Variants in MAGI2 observed in about 807,000 individuals in gnomAD.
MAGI2 encodes the protein membrane associated guanylate kinase, WW and PDZ domain containing 2, also known as membrane-associated guanylate kinase, WW and PDZ domain-containing protein 2.
Under a neutral mutation model 133.3 loss-of-function variants are expected in MAGI2, and 35 were observed. That is an observed-to-expected ratio of 0.26 (90% confidence interval 0.20 to 0.35). The LOEUF is 0.35. Among genes scored for constraint, MAGI2 ranks in the 10% least tolerant of loss-of-function variants. The probability of loss-of-function intolerance (pLI) is 1.00; values close to 1 mark genes in which losing one functional copy is unlikely to be tolerated. For missense variants in MAGI2, 1,636 were observed against 1,863.4 expected (o/e 0.88, Z 2.25); for synonymous variants, 729 against 710.6 (o/e 1.03, Z -0.41).
At chr7:78,171,154 A>T (rs897193417) in intron 14 of MAGI2, among the ~76,000 whole-genome samples, 1 of 152,338 alleles carries the variant, frequency 6.6e-6, no homozygotes, top group African/African-American at 2.4e-5. Context: ...TCTGAGAAAA[A>T]AACAACTTTT....
chr7:78,471,066 C>T (rs1221961139), intron 6 of MAGI2, among the ~76,000 whole-genome samples: 1 of 152,010 alleles, frequency 6.6e-6, no homozygotes, highest in Admixed American at 6.6e-5. Flanking sequence ...TTCTCATGGC[C>T]AAAGTAAGCT....
At chr7:79,113,515 A>G (rs1408576510) in intron 1 of MAGI2, among the ~76,000 whole-genome samples, 1 of 152,194 alleles carries the variant, frequency 6.6e-6, no homozygotes, top group Non-Finnish European at 1.5e-5. Context: ...AACAGATGCA[A>G]AGTGATCAGT....
At chr7:78,441,394 A>G (rs1787616449) in intron 6 of MAGI2, among the ~76,000 whole-genome samples, 1 of 152,226 alleles carries the variant, frequency 6.6e-6, no homozygotes, top group African/African-American at 2.4e-5. Context: ...TATCAGAATA[A>G]CTTCAATTAT....
intron 10 of MAGI2, among the ~76,000 whole-genome samples, chr7:78,231,640 T>C (rs1287655504): frequency 6.6e-6 from 1 of 152,194 alleles, no homozygotes; most frequent in Non-Finnish European, 1.5e-5. Flanking sequence ...CATCTTCAAA[T>C]AGCCTTCCTC....
intron 2 of MAGI2, among the ~76,000 whole-genome samples, chr7:78,679,937 G>A (rs1815471397): frequency 6.6e-6 from 1 of 152,140 alleles, no homozygotes; most frequent in Admixed American, 6.6e-5. Context: ...TCAGCAACCA[G>A]TGAGAAAATC....
chr7:78,330,202 A>G (rs73134519), intron 9 of MAGI2, among the ~76,000 whole-genome samples: 14,274 of 152,236 alleles, frequency 0.094, 1,043 homozygotes, highest in African/African-American at 0.2. Flanking sequence ...GTTTGGTTAA[A>G]CTAGACTAAG....
intron 10 of MAGI2, among the ~76,000 whole-genome samples, chr7:78,206,368 T>C (rs992890347): frequency 3.3e-5 from 5 of 150,640 alleles, no homozygotes; most frequent in Non-Finnish European, 5.9e-5. Flanking sequence ...CTTGGCTCAC[T>C]GCAACCTCCG....
intron 2 of MAGI2, among the ~76,000 whole-genome samples, chr7:78,656,718 A>G (rs1003339198): frequency 5.3e-5 from 8 of 152,218 alleles, no homozygotes; most frequent in Non-Finnish European, 5.9e-5. Flanking sequence ...CACAATGTAT[A>G]TCAAAACATT....
At chr7:78,335,771 T>A (rs1228958523) in intron 9 of MAGI2, among the ~76,000 whole-genome samples, 1 of 152,022 alleles carries the variant, frequency 6.6e-6, no homozygotes, top group East Asian at 1.9e-4. Context: ...TATATTGCAA[T>A]AAAGAAAGAG....
At chr7:78,546,018 C>A (rs1480209272) in intron 3 of MAGI2, among the ~76,000 whole-genome samples, 1 of 152,118 alleles carries the variant, frequency 6.6e-6, no homozygotes, top group East Asian at 1.9e-4. Context: ...TCACCCTATT[C>A]AAATTATCTA....
At chr7:78,478,282 C>T (rs566967720) in intron 6 of MAGI2, among the ~76,000 whole-genome samples, 1 of 151,884 alleles carries the variant, frequency 6.6e-6, no homozygotes, top group Admixed American at 6.6e-5. Flanking sequence ...ATGAACTCAT[C>T]TAAAGGAAAA....
At chr7:78,229,679 T>A (rs534285245) in intron 10 of MAGI2, among the ~76,000 whole-genome samples, 32 of 152,310 alleles carry the variant, frequency 2.1e-4, no homozygotes, top group South Asian at 1.2e-3. Flanking sequence ...GTAATATTTG[T>A]TTTGGAACCA....
chr7:78,413,668 G>C (rs1460986590), intron 6 of MAGI2, among the ~76,000 whole-genome samples: 4 of 151,944 alleles, frequency 2.6e-5, no homozygotes, highest in African/African-American at 9.7e-5. Flanking sequence ...TGAAAGAGAA[G>C]GCAAGGGAGA....
At chr7:78,847,587 C>T (rs1348208736) in intron 2 of MAGI2, among the ~76,000 whole-genome samples, 1 of 151,946 alleles carries the variant, frequency 6.6e-6, no homozygotes, top group Non-Finnish European at 1.5e-5. Flanking sequence ...ATTCGAGGTA[C>T]AACCATGAAA....
chr7:78,345,741 C>T, intron 8 of MAGI2, among the ~76,000 whole-genome samples, 181 bp downstream of exon 8: 1 of 152,212 alleles, frequency 6.6e-6, no homozygotes, highest in East Asian at 1.9e-4. Flanking sequence ...ATAACTTCAT[C>T]TGCGGTTGCT....
chr7:78,342,541 A>G (rs1365814851), intron 9 of MAGI2, among the ~76,000 whole-genome samples: 4 of 152,220 alleles, frequency 2.6e-5, no homozygotes, highest in Non-Finnish European at 5.9e-5. Context: ...TCACAATAGC[A>G]AAGACTTGGA....
At chr7:78,913,856 A>T (rs1798594334) in intron 2 of MAGI2, among the ~76,000 whole-genome samples, 1 of 152,192 alleles carries the variant, frequency 6.6e-6, no homozygotes, top group Non-Finnish European at 1.5e-5. Context: ...TGCATTATGC[A>T]AAGTCTATTT....
chr7:79,139,315 C>T (rs1177223171), intron 1 of MAGI2, among the ~76,000 whole-genome samples: 1 of 152,214 alleles, frequency 6.6e-6, no homozygotes, highest in Non-Finnish European at 1.5e-5. Context: ...TCATTTACCA[C>T]TCATTAAGTA....
intron 3 of MAGI2, among the ~76,000 whole-genome samples, chr7:78,619,698 T>G (rs1285460862): frequency 6.6e-6 from 1 of 151,926 alleles, no homozygotes; most frequent in Non-Finnish European, 1.5e-5. Context: ...ACTTCCATTC[T>G]TAGTGCCTTA....
Sources: allele counts gnomAD v4.1 joint callset (sites outside exome capture counted in the v4.1 genomes callset), GRCh38; gene constraint gnomAD v4.1.1; transcripts MANE v1.5; gene names NCBI Gene and HGNC (gene_info 2026-07-23, HGNC 2026-07-21).